ATP8A2: variants seen among roughly 807,000 people sequenced by gnomAD.
ATP8A2 encodes the protein ATPase phospholipid transporting 8A2, also known as phospholipid-transporting ATPase IB.
In ATP8A2, 100 loss-of-function variants were observed where a neutral mutation model predicts 165.6. The ratio of observed to expected loss-of-function variants is 0.60; its 90% CI spans 0.51 to 0.71. The LOEUF (loss-of-function observed/expected upper bound fraction) is 0.71, where lower values mean the gene tolerates loss of function less well. ATP8A2 is among the 30% of genes least tolerant of loss of function. The probability of loss-of-function intolerance (pLI) is 0.00; values close to 1 mark genes in which losing one functional copy is unlikely to be tolerated. For synonymous variants in ATP8A2, 543 were observed against 548.8 expected (o/e 0.99, Z 0.15); for missense variants, 1,227 against 1,479.5 (o/e 0.83, Z 2.80).
rs1593632486 is a variant in ATP8A2 at position 25,961,458 on chromosome 13, T to C, written c.3184-117T>C. On this transcript the variant is annotated intron_variant, in intron 33 of 36. Coordinates refer to ENST00000381655, the MANE Select transcript of ATP8A2 (RefSeq NM_016529.6). ...CTGCCAGTGCATGGGTTACCTCTCATTGCATTTAGTGCGGTCTGTTGTTTT... is the reference window on the plus strand; with the variant it reads ...CTGCCAGTGCATGGGTTACCTCTCACTGCATTTAGTGCGGTCTGTTGTTTT... 2.2e-5 allele frequency: 18 copies of C among 818,422 alleles called. No individual in the cohort carries two copies. In the East Asian group the frequency reaches 4.7e-4, roughly 22 times the overall value. 50.7% of individuals were successfully genotyped at this position (818,422 alleles called of 1,614,324 possible).
chr13:25,936,429 T>C (rs191037), intron 33 of ATP8A2, among the ~76,000 whole-genome samples: 134,561 of 152,294 alleles, frequency 0.88, 59,535 homozygotes, highest in East Asian at 1. Flanking sequence ...GTGAGAAGTT[T>C]GATTAAATAA....
intron 25 of ATP8A2, 57 bp from the exon 26 acceptor site, chr13:25,768,989 C>A: frequency 6.6e-7 from 1 of 1,506,310 alleles, no homozygotes; most frequent in South Asian, 1.1e-5. Flanking sequence ...ATGTAGATTA[C>A]AGCTGTTTCC....
At position 25,578,061 on chromosome 13, in the gene ATP8A2, AT is replaced by A. The variant is rs978654875; in HGVS notation, c.1783-751del. Among the ~76,000 whole-genome samples, 8 of 152,206 alleles carry A rather than the reference AT, an allele frequency of 5.3e-5. 1 individual carries two copies. The highest frequency in any genetic ancestry group is 2.1e-4 in the South Asian group (1 of 4,820). On this transcript the variant is annotated intron_variant, in intron 20 of 36. Transcript: ENST00000381655. The stretch of plus-strand genomic sequence containing the variant: ...TATTTTTGAAACTTTTTGTTTATTC[AT>A]TTGCCATTGTGTTCTAAGTACCACA...
At chr13:25,979,427 T>TTGTTAGTGATTCAGTGAGTCCC (rs1450511312) in intron 35 of ATP8A2, among the ~76,000 whole-genome samples, 2 of 152,196 alleles carry the variant, frequency 1.3e-5, no homozygotes, top group Non-Finnish European at 2.9e-5. Flanking sequence ...AGAGCCTGGA[T>TTGTTAGTGATTCAGTGAGTCCC]TGTTAGTGAT....
intron 24 of ATP8A2, among the ~76,000 whole-genome samples, chr13:25,597,243 G>A (rs897739396): frequency 1.3e-5 from 2 of 152,052 alleles, no homozygotes; most frequent in Non-Finnish European, 2.9e-5. Flanking sequence ...CAGTGTTAGG[G>A]AAAATAGACC....
At chr13:26,006,735 A>AT (rs1439810525) in intron 35 of ATP8A2, among the ~76,000 whole-genome samples, 1 of 151,846 alleles carries the variant, frequency 6.6e-6, no homozygotes, top group Non-Finnish European at 1.5e-5. Flanking sequence ...AGAGTACTGA[A>AT]TTTTGTCAGG....
At chr13:25,530,518 T>C (rs2137904670) in intron 3 of ATP8A2, 44 bp from the exon 4 acceptor site, 2 of 1,208,430 alleles carry the variant, frequency 1.7e-6, no homozygotes, top group East Asian at 5.0e-5. Context: ...ATGGAGAGGA[T>C]TTTTAATGTG....
intron 1 of ATP8A2, among the ~76,000 whole-genome samples, chr13:25,445,577 C>T (rs1001892058): frequency 3.9e-5 from 6 of 152,138 alleles, no homozygotes; most frequent in African/African-American, 1.4e-4. Flanking sequence ...AAATTTTAGC[C>T]AAAATATACC....
chr13:25,538,128 C>A, intron 7 of ATP8A2, 67 bp downstream of exon 7: 1 of 1,219,332 alleles, frequency 8.2e-7, no homozygotes, highest in African/African-American at 1.5e-5. Context: ...TAAGCAGCAC[C>A]TGGGGCAGTC....
intron 2 of ATP8A2, among the ~76,000 whole-genome samples, chr13:25,493,327 T>C (rs751723510): frequency 6.6e-6 from 1 of 152,246 alleles, no homozygotes; most frequent in African/African-American, 2.4e-5. Flanking sequence ...GTTTGTGTTA[T>C]ATGACTACTC....
At chr13:25,548,004 G>A (rs1346392661) in intron 10 of ATP8A2, among the ~76,000 whole-genome samples, 1 of 152,044 alleles carries the variant, frequency 6.6e-6, no homozygotes, top group Non-Finnish European at 1.5e-5. Context: ...TGGGCAGATT[G>A]CCTGACCTCA....
intron 24 of ATP8A2, among the ~76,000 whole-genome samples, chr13:25,636,141 G>A (rs141572055): frequency 5.3e-5 from 8 of 152,210 alleles, no homozygotes; most frequent in African/African-American, 1.9e-4. Context: ...GGCAGGATTT[G>A]GGGAGTGGAT....
At chr13:25,772,204 C>CGGGA (rs1169715677) in intron 26 of ATP8A2, among the ~76,000 whole-genome samples, 1 of 152,136 alleles carries the variant, frequency 6.6e-6, no homozygotes, top group Non-Finnish European at 1.5e-5. Context: ...CCATTCTCCT[C>CGGGA]GGGAGAATCA....
At chr13:26,013,494 G>A (rs1435774705) in intron 36 of ATP8A2, among the ~76,000 whole-genome samples, 1 of 152,162 alleles carries the variant, frequency 6.6e-6, no homozygotes, top group Non-Finnish European at 1.5e-5. Context: ...GACCGACATG[G>A]TGAAACCTCG....
At chr13:25,862,151 A>G in intron 32 of ATP8A2, 150 bp from the exon 33 acceptor site, 1 of 594,308 alleles carries the variant, frequency 1.7e-6, no homozygotes, top group South Asian at 2.0e-5. Context: ...TGGGAATTAG[A>G]AAGATTGAAC....
Position 25,750,438 on chromosome 13 carries a change from C to T in ATP8A2, c.2385-18608C>T, listed in dbSNP as rs1165210786. Among the ~76,000 whole-genome samples the T allele has an allele frequency of 6.6e-6, 1 of 152,152 alleles. No homozygotes were observed. The highest frequency in any genetic ancestry group is 1.5e-5 in the Non-Finnish European group (1 of 68,028). ...TTTGGGCCATACACTGTGCCCACCC[C>T]CACACTGAAGCAGCCTCCCTCCCCA... On this transcript the variant is annotated intron_variant, in intron 25 of 36. Transcript: ENST00000381655. This position sits in a 1 kb window ranked among gnomAD's most constrained non-coding sequence, Gnocchi z 4.3.
At chr13:25,937,738 A>T (rs1248500239) in intron 33 of ATP8A2, among the ~76,000 whole-genome samples, 1 of 150,834 alleles carries the variant, frequency 6.6e-6, no homozygotes, top group Non-Finnish European at 1.5e-5. Context: ...AGTCCTAGCT[A>T]CTTGGGAGGC....
At chr13:25,595,142 T>G (rs2040203594) in intron 24 of ATP8A2, among the ~76,000 whole-genome samples, 1 of 152,060 alleles carries the variant, frequency 6.6e-6, no homozygotes, top group South Asian at 2.1e-4. Flanking sequence ...CATAAGAGAT[T>G]TACTACATAT....
In ATP8A2 at chr13:25,969,608, TAAA is replaced by T. The variant is rs763308858; in HGVS notation, c.3377+930_3377+932del. Among the ~76,000 whole-genome samples the T allele has an allele frequency of 1.3e-3, 197 of 152,340 alleles. 1 individual carries two copies. Among genetic ancestry groups the T allele is most frequent in the Non-Finnish European group, 2.0e-3 (135 of 68,034 alleles). On this transcript the variant is annotated intron_variant, in intron 35 of 36. Coordinates refer to ENST00000381655, the MANE Select transcript of ATP8A2 (RefSeq NM_016529.6). ...AATGAAGACAAAATAATTTTTTTGTTAAAGAAAGAGAATGCAAACATTTTGAGA... is the reference window on the plus strand; with the variant it reads ...AATGAAGACAAAATAATTTTTTTGTTGAAAGAGAATGCAAACATTTTGAGA...
Sources: allele counts gnomAD v4.1 joint callset (sites outside exome capture counted in the v4.1 genomes callset), GRCh38; gene constraint gnomAD v4.1.1; non-coding constraint Gnocchi (gnomAD v3.1); transcripts MANE v1.5; gene names NCBI Gene and HGNC (gene_info 2026-07-23, HGNC 2026-07-21).